The following RASGRP2 variants were observed in gnomAD, a reference collection of about 807,000 sequenced individuals.
The protein encoded by RASGRP2 is RAS guanyl-releasing protein 2.
In RASGRP2, 44 loss-of-function variants were observed where a neutral mutation model predicts 71.0. That is an observed-to-expected ratio of 0.62 (90% CI 0.49 to 0.80). RASGRP2 has a LOEUF of 0.80. Ranked by LOEUF, RASGRP2 falls within the 30% of genes least tolerant of loss-of-function variation. The pLI is 0.00. For synonymous variants in RASGRP2, 350 were observed against 330.7 expected, an observed-to-expected ratio of 1.06 and a Z score of -0.63; for missense variants, 663 against 813.4, an observed-to-expected ratio of 0.82 and a Z score of 2.25.
Position 64,735,745 on chromosome 11 carries a change from G to C in RASGRP2, c.1174-81C>G. 6.5e-7 allele frequency: 1 copy of C among 1,540,960 alleles called. No homozygotes were observed. Among genetic ancestry groups the C allele is most frequent in the Non-Finnish European group, 8.8e-7 (1 of 1,136,330 alleles). On this transcript the variant is annotated intron_variant, in intron 10 of 16. Transcript: ENST00000394432. The surrounding 1 kb of genome is among the most constrained non-coding windows in gnomAD (Gnocchi z 4.2). The stretch of plus-strand genomic sequence containing the variant: ...CGGGGAACAGAGAGGGGAATCCCTG[G>C]GAGAGGGAAGTCTGCCCAACACTAC...
chr11:64,742,884 G>A lies in RASGRP2; in HGVS notation c.-18C>T. ...CCTGCCATGGCCGCCGGCGCGGGGT[G>A]GGCTGGGCCCAGGCTGCGCTCCGGG... On this transcript the variant is annotated 5_prime_UTR_variant, in exon 2 of 17. Transcript: ENST00000394432. This position sits in a 1 kb window ranked among gnomAD's most constrained non-coding sequence, Gnocchi z 4.7. The A allele has an allele frequency of 6.3e-7, 1 of 1,576,754 alleles. No individual in the cohort carries two copies.
upstream of RASGRP2, chr11:64,744,789 C>T (rs922423114): frequency 1.3e-5 from 2 of 150,174 alleles, no homozygotes; most frequent in African/African-American, 4.9e-5. Flanking sequence ...CCGACCCCAC[C>T]TCCGTGCGCT....
chr11:64,738,476 G>A (rs1481066665), intron 8 of RASGRP2, among the ~76,000 whole-genome samples: 2 of 151,690 alleles, frequency 1.3e-5, no homozygotes, highest in African/African-American at 2.4e-5. Context: ...TCACTCTGTC[G>A]CCCAGGCTGG....
At position 64,739,990 on chromosome 11, in the gene RASGRP2, AC is replaced by A. The variant is rs763813287; in HGVS notation, c.522+22del. On this transcript the variant is annotated intron_variant, in intron 6 of 16. Transcript: ENST00000394432. The surrounding 1 kb of genome is among the most constrained non-coding windows in gnomAD (Gnocchi z 4.2). ...TCTTCCAGCCCACATTGGACCCCTG[AC>A]CCCCCAGCCCTCGGGCCGCACCAGG... The A allele has an allele frequency of 1.9e-6, 3 of 1,612,182 alleles. No individual in the cohort carries two copies. The highest frequency in any genetic ancestry group is 1.1e-5 in the South Asian group (1 of 90,966).
chr11:64,737,932 G>A (rs2057999868), intron 8 of RASGRP2, among the ~76,000 whole-genome samples: 1 of 151,668 alleles, frequency 6.6e-6, no homozygotes, highest in African/African-American at 2.4e-5. Context: ...CATAATCCCA[G>A]CTACTCAGGA....
intron 4 of RASGRP2, 115 bp from the exon 5 acceptor site, chr11:64,741,194 C>T: frequency 7.4e-7 from 1 of 1,348,280 alleles, no homozygotes; most frequent in Non-Finnish European, 1.0e-6. Context: ...AACTATGGTT[C>T]CAGCTCTTTC....
rs200768691 is a variant in RASGRP2, at chr11:64,736,782, C to T, written c.1066G>A (p.Ala356Thr). Residue 356 changes from alanine (A) to threonine (T), a missense_variant, in exon 9 of 17, where the codon GCC becomes ACC. Physicochemically the swap from Ala to Thr is moderately conservative, Grantham distance 58 (BLOSUM62 0). Transcript: ENST00000394432. ...AGCAGGCTCAGCAGGTCGGGGTTGG[C>T]CTGTACTGGTGGCCGCAGGCTGGTC... ...MVTSLRPPVQ[A>T]NPDLLSLLTV... The T allele has an allele frequency of 6.1e-5, 97 of 1,600,954 alleles. 1 individual carries two copies. In the Admixed American group the frequency reaches 1.6e-3, roughly 27 times the overall value.
chr11:64,735,263 G>A lies in RASGRP2; in HGVS notation c.1297-36C>T. ...CAGAGGGACACGCAGAGCCAGAAGAGGGGAGAGTAAAGGGGACATCAGGTC... is the reference window on the plus strand; with the variant it reads ...CAGAGGGACACGCAGAGCCAGAAGAAGGGAGAGTAAAGGGGACATCAGGTC... On this transcript the variant is annotated intron_variant, in intron 11 of 16. Transcript: ENST00000394432. The surrounding 1 kb of genome is among the most constrained non-coding windows in gnomAD (Gnocchi z 4.2). 1.9e-6 allele frequency: 3 copies of A among 1,544,120 alleles called. No homozygotes were observed. Among genetic ancestry groups the A allele is most frequent in the East Asian group, 2.2e-5 (1 of 44,490 alleles).
chr11:64,740,920 C>G, intron 5 of RASGRP2, 28 bp downstream of exon 5: 1 of 1,613,540 alleles, frequency 6.2e-7, no homozygotes. Flanking sequence ...TGAGTGCCCC[C>G]CCAGCCCTCT....
At chr11:64,729,899 G>A in intron 13 of RASGRP2, 101 bp from the exon 14 acceptor site, 2 of 1,572,334 alleles carry the variant, frequency 1.3e-6, no homozygotes, top group East Asian at 2.2e-5. Flanking sequence ...GCCCGCCTCA[G>A]GGCCCCGGGC....
At position 64,731,544 on chromosome 11, in the gene RASGRP2, A is replaced by G. The variant is rs573606939; in HGVS notation, c.1413-1350T>C. Among the ~76,000 whole-genome samples the G allele has an allele frequency of 3.2e-4, 49 of 152,314 alleles. 1 individual carries two copies. The South Asian group carries it at 7.9e-3, about 24-fold the overall frequency. On this transcript the variant is annotated intron_variant, in intron 12 of 16. Coordinates refer to ENST00000394432, the MANE Select transcript of RASGRP2 (RefSeq NM_001098671.2). ...GACAGACAGGGAGAAAATATTTGCA[A>G]ACACATTCAACAGCAAAGGGTTAAT...
At chr11:64,730,232 C>T (rs1261974420) in intron 12 of RASGRP2, 38 bp from the exon 13 acceptor site, 5 of 1,551,114 alleles carry the variant, frequency 3.2e-6, no homozygotes, top group Non-Finnish European at 4.4e-6. Context: ...CTCGGGCCCT[C>T]CCCAGAACCA....
rs1452574180 is a variant in RASGRP2, at chr11:64,735,734, G to A, written c.1174-70C>T. Reference sequence around the variant, plus strand: ...GCCCAGAGCCCCGGGGAACAGAGAGGGGAATCCCTGGGAGAGGGAAGTCTG... The same window carrying A: ...GCCCAGAGCCCCGGGGAACAGAGAGAGGAATCCCTGGGAGAGGGAAGTCTG... On this transcript the variant is annotated intron_variant, in intron 10 of 16. Transcript: ENST00000394432. This position sits in a 1 kb window ranked among gnomAD's most constrained non-coding sequence, Gnocchi z 4.2. The A allele has an allele frequency of 1.0e-5, 16 of 1,551,414 alleles. No individual in the cohort carries two copies. In the Admixed American group the frequency reaches 2.7e-4, roughly 26 times the overall value.
chr11:64,730,225 G>C (rs758695864), intron 12 of RASGRP2, 31 bp from the exon 13 acceptor site: 3 of 1,551,188 alleles, frequency 1.9e-6, no homozygotes, highest in African/African-American at 1.4e-5. Context: ...GCTTCAGCTC[G>C]GGCCCTCCCC....
intron 13 of RASGRP2, 109 bp downstream of exon 13, chr11:64,729,944 G>C: frequency 6.5e-7 from 1 of 1,535,332 alleles, no homozygotes. Context: ...AGAATTACCA[G>C]GTTTTCCTGG....
intron 15 of RASGRP2, among the ~76,000 whole-genome samples, chr11:64,728,087 G>A (rs980536926): frequency 1.3e-5 from 2 of 152,020 alleles, no homozygotes; most frequent in African/African-American, 2.4e-5. Context: ...ATAGTTGTTC[G>A]GACTGTTCTC....
At position 64,739,916 on chromosome 11, in the gene RASGRP2, G is replaced by A; in HGVS notation, c.522+97C>T. On this transcript the variant is annotated intron_variant, in intron 6 of 16. Coordinates refer to ENST00000394432, the MANE Select transcript of RASGRP2 (RefSeq NM_001098671.2). This position sits in a 1 kb window ranked among gnomAD's most constrained non-coding sequence, Gnocchi z 4.2. ...CAGTGGTTACACTGAAACCCCTGAT[G>A]CACCCTGTGACCCAGCCTACGCCAG... 6 of 1,606,998 alleles carry A rather than the reference G, an allele frequency of 3.7e-6. No homozygotes were observed. The highest frequency in any genetic ancestry group is 5.1e-6 in the Non-Finnish European group (6 of 1,176,130).
Position 64,740,584 on chromosome 11 carries a change from C to T in RASGRP2, c.371+364G>A, listed in dbSNP as rs2058089455. On this transcript the variant is annotated intron_variant, in intron 5 of 16. Coordinates refer to ENST00000394432, the MANE Select transcript of RASGRP2 (RefSeq NM_001098671.2). ...GACAAATTCTACCCCGGAAGAGCCC[C>T]GAACCCTCAGAGCCCACGGAGACTT... 12 of 663,876 alleles carry T rather than the reference C, an allele frequency of 1.8e-5. 1 individual carries two copies. The highest frequency in any genetic ancestry group is 1.4e-4 in the South Asian group (9 of 64,152). The allele number at this position is 663,876 out of a possible 1,614,324, so 41.1% of individuals were successfully genotyped here.
chr11:64,742,082 A>G lies in RASGRP2; in HGVS notation c.104T>C (p.Leu35Pro). 1 of 1,607,062 alleles carries G rather than the reference A, an allele frequency of 6.2e-7. No individual in the cohort carries two copies. The highest frequency in any genetic ancestry group is 8.5e-7 in the Non-Finnish European group (1 of 1,176,682). Reference protein sequence around the residue: ...DDSGKVRDPQLVRMFLMMHPW... With the variant: ...DDSGKVRDPQPVRMFLMMHPW... ...GTGCATCATGAGGAACATGCGCACC[A>G]GCTGCGGGTCCCGCACCTTCCCGGA... The change falls in exon 3 of 17, where the codon CTG becomes CCG. Residue 35 changes from leucine (L) to proline (P), a missense_variant. Transcript: ENST00000394432. The surrounding 1 kb of genome is among the most constrained non-coding windows in gnomAD (Gnocchi z 4.7).
Sources: allele counts gnomAD v4.1 joint callset (sites outside exome capture counted in the v4.1 genomes callset), GRCh38; gene constraint gnomAD v4.1.1; non-coding constraint Gnocchi (gnomAD v3.1); transcripts MANE v1.5; gene names NCBI Gene and HGNC (gene_info 2026-07-23, HGNC 2026-07-21).